NSUN4: variants seen among roughly 807,000 people sequenced by gnomAD.
The protein encoded by NSUN4 is 5-cytosine rRNA methyltransferase NSUN4.
In NSUN4, 31 loss-of-function variants were observed where a neutral mutation model predicts 43.8. The ratio of observed to expected loss-of-function variants is 0.71; its 90% CI spans 0.53 to 0.96. NSUN4 has a LOEUF of 0.96. Among genes scored for constraint, NSUN4 ranks in the 40% least tolerant of loss-of-function variants. The pLI is 0.00. For synonymous variants in NSUN4, 167 were observed against 184.1 expected (o/e 0.91, Z 0.75); for missense variants, 439 against 475.6 (o/e 0.92, Z 0.72).
chr1:46,383,562 T>C, the NSUN4 span, among the ~76,000 whole-genome samples: 1 of 150,974 alleles, frequency 6.6e-6, no homozygotes, highest in Non-Finnish European at 1.5e-5. Context: ...TTCACGCCAT[T>C]CTCCTGCCTC....
At chr1:46,372,397 C>A in the NSUN4 span, among the ~76,000 whole-genome samples, 1 of 152,080 alleles carries the variant, frequency 6.6e-6, no homozygotes, top group African/African-American at 2.4e-5. Flanking sequence ...CACGTCTTGG[C>A]CTCCCAAAAT....
downstream of NSUN4, among the ~76,000 whole-genome samples, chr1:46,365,548 G>A (rs528451133): frequency 2.6e-5 from 4 of 152,134 alleles, no homozygotes; most frequent in Admixed American, 2.6e-4. Flanking sequence ...CGCCATGTTG[G>A]CCAGGCTGGT....
chr1:46,367,139 G>C (rs562857336), downstream of NSUN4, among the ~76,000 whole-genome samples: 3 of 152,262 alleles, frequency 2.0e-5, no homozygotes, highest in South Asian at 6.2e-4. Context: ...TTAGTGGAAG[G>C]CAAGGGGGTC....
chr1:46,343,188 C>T (rs56126529), intron 1 of NSUN4: 93,181 of 396,090 alleles, frequency 0.24, 12,259 homozygotes, highest in Non-Finnish European at 0.29. Context: ...TTCGACAGGC[C>T]CCCCTCCCAT....
chr1:46,350,761 A>T (rs1319688507), intron 3 of NSUN4, among the ~76,000 whole-genome samples: 4 of 152,250 alleles, frequency 2.6e-5, no homozygotes, highest in Non-Finnish European at 5.9e-5. Flanking sequence ...CACAATTATC[A>T]GGGACTTAAG....
At chr1:46,368,452 A>G (rs1664185593), downstream of NSUN4, among the ~76,000 whole-genome samples, 1 of 152,158 alleles carries the variant, frequency 6.6e-6, no homozygotes, top group South Asian at 2.1e-4. Context: ...CGCAACTTCC[A>G]CGCTCATTTT....
In NSUN4 at chr1:46,352,083, G is replaced by A. The variant is rs72677588; in HGVS notation, c.593-785G>A. On this transcript the variant is annotated intron_variant, in intron 3 of 5. Coordinates refer to ENST00000474844, the MANE Select transcript of NSUN4 (RefSeq NM_199044.4). ...GCTGAAGCAATCCACCTACTTTGGC[G>A]TCCTCCCAAAGTGCTGGGATGAGAG... Among the ~76,000 whole-genome samples, 13 of 151,118 alleles carry A rather than the reference G, an allele frequency of 8.6e-5. No individual in the cohort carries two copies. The South Asian group carries it at 1.0e-3, about 12-fold the overall frequency.
chr1:46,349,288 C>T (rs545747367), intron 3 of NSUN4, among the ~76,000 whole-genome samples: 1 of 151,950 alleles, frequency 6.6e-6, no homozygotes, highest in African/African-American at 2.4e-5. Flanking sequence ...CACGGGCACC[C>T]GCCACCATGC....
At chr1:46,380,387 T>G in the NSUN4 span, among the ~76,000 whole-genome samples, 1 of 152,244 alleles carries the variant, frequency 6.6e-6, no homozygotes, top group East Asian at 1.9e-4. Context: ...TGGTGTGGTG[T>G]TACCTTCTGG....
the NSUN4 span, among the ~76,000 whole-genome samples, chr1:46,381,858 C>A: frequency 6.6e-6 from 1 of 152,128 alleles, no homozygotes; most frequent in Non-Finnish European, 1.5e-5. Flanking sequence ...CCTGTCAGCT[C>A]CCTTTTTCTA....
intron 3 of NSUN4, among the ~76,000 whole-genome samples, chr1:46,350,790 A>G (rs1204751572): frequency 1.3e-5 from 2 of 152,166 alleles, no homozygotes; most frequent in Admixed American, 6.5e-5. Flanking sequence ...TTCCTTTTGC[A>G]ACGTATTTTG....
intron 3 of NSUN4, among the ~76,000 whole-genome samples, chr1:46,352,398 G>C (rs1436390911): frequency 6.6e-6 from 1 of 151,898 alleles, no homozygotes; most frequent in Admixed American, 6.6e-5. Context: ...GTTGCAGTGA[G>C]CTGAGAGTGT....
chr1:46,380,299 A>G, the NSUN4 span, among the ~76,000 whole-genome samples: 1 of 152,198 alleles, frequency 6.6e-6, no homozygotes, highest in African/African-American at 2.4e-5. Flanking sequence ...AGGGAAACTT[A>G]CCAGGGTCTG....
chr1:46,352,998 G>T lies in NSUN4; in HGVS notation c.723G>T (p.Trp241Cys). ...VRVTSWDGRK[W>C]GELEGDTYDR... ...TTACCTCATGGGATGGCAGGAAATG[G>T]GGAGAACTGGAGGGGGACACCTATG... The change falls in exon 4 of 6, where the codon TGG becomes TGT. Residue 241 changes from tryptophan to cysteine, a missense_variant. By Grantham distance (215) the Trp-to-Cys change is radical. Coordinates refer to ENST00000474844, the MANE Select transcript of NSUN4 (RefSeq NM_199044.4). 1 of 1,614,168 alleles carries T rather than the reference G, an allele frequency of 6.2e-7. No individual in the cohort carries two copies. Among genetic ancestry groups the T allele is most frequent in the Non-Finnish European group, 8.5e-7 (1 of 1,180,014 alleles).
chr1:46,355,595 CATTATT>C (rs754582263), intron 4 of NSUN4, among the ~76,000 whole-genome samples: 2 of 152,082 alleles, frequency 1.3e-5, no homozygotes, highest in African/African-American at 2.4e-5. Context: ...CAATCCTTAC[CATTATT>C]ATTATTATTT....
chr1:46,366,869 C>T (rs2148429492), downstream of NSUN4, among the ~76,000 whole-genome samples: 1 of 152,222 alleles, frequency 6.6e-6, no homozygotes, highest in Non-Finnish European at 1.5e-5. Context: ...TGATTTGCAA[C>T]AGTTGAACCA....
chr1:46,340,973 G>C (rs2148353380), intron 1 of NSUN4, 54 bp downstream of exon 1: 1 of 1,484,396 alleles, frequency 6.7e-7, no homozygotes, highest in African/African-American at 1.4e-5. Flanking sequence ...AACTTCTCCA[G>C]TCTTTCCGTT....
downstream of NSUN4, among the ~76,000 whole-genome samples, chr1:46,369,521 G>A (rs915622750): frequency 1.3e-5 from 2 of 152,232 alleles, no homozygotes; most frequent in Non-Finnish European, 2.9e-5. Flanking sequence ...AGTGAGCCAA[G>A]TACTGAGAGA....
At chr1:46,356,114 C>T (rs1466764045) in intron 4 of NSUN4, among the ~76,000 whole-genome samples, 2 of 152,004 alleles carry the variant, frequency 1.3e-5, no homozygotes, top group Non-Finnish European at 2.9e-5. Flanking sequence ...CTCTGTTGCC[C>T]AGGCTGGAAT....
Sources: allele counts gnomAD v4.1 joint callset (sites outside exome capture counted in the v4.1 genomes callset), GRCh38; gene constraint gnomAD v4.1.1; transcripts MANE v1.5; gene names NCBI Gene and HGNC (gene_info 2026-07-23, HGNC 2026-07-21).